The following STK31 variants were observed in gnomAD, a reference collection of about 807,000 sequenced individuals.
The protein encoded by STK31 is serine/threonine kinase 31, also known as serine/threonine-protein kinase 31.
STK31 carries 89 observed loss-of-function variants against 129.7 expected under a neutral mutation model. The observed-to-expected ratio is 0.69, with a 90% CI of 0.58 to 0.82. The LOEUF (loss-of-function observed/expected upper bound fraction) is 0.82. Among genes scored for constraint, STK31 ranks in the 40% least tolerant of loss-of-function variants. STK31 has a pLI of 0.00. For missense variants in STK31, 1,187 were observed against 1,176.4 expected (o/e 1.01, Z -0.13); for synonymous variants, 448 against 395.3 (o/e 1.13, Z -1.58).
At chr7:23,819,196 G>A (rs971837213) in intron 23 of STK31, among the ~76,000 whole-genome samples, 2 of 152,016 alleles carry the variant, frequency 1.3e-5, no homozygotes, top group Admixed American at 1.3e-4. Flanking sequence ...ATATTTAATT[G>A]TTTGCACCTA....
intron 8 of STK31, among the ~76,000 whole-genome samples, chr7:23,747,367 T>TTTTTTA (rs70956918): frequency 0.74 from 111,059 of 150,528 alleles, 41,476 homozygotes; most frequent in South Asian, 0.9. Flanking sequence ...TTCAGATTAT[T>TTTTTTA]TTTTTATTTT....
At chr7:23,782,681 G>A (rs112504948) in intron 16 of STK31, among the ~76,000 whole-genome samples, 4 of 152,092 alleles carry the variant, frequency 2.6e-5, no homozygotes, top group African/African-American at 7.2e-5. Context: ...CTTTTCTTTC[G>A]TGAGGGTACT....
chr7:23,819,115 A>C (rs1294444025), intron 23 of STK31, among the ~76,000 whole-genome samples: 1 of 152,208 alleles, frequency 6.6e-6, no homozygotes, highest in East Asian at 1.9e-4. Context: ...GACCATAATA[A>C]GACTTTTGTT....
chr7:23,784,715 A>G (rs1791156247), intron 17 of STK31, among the ~76,000 whole-genome samples: 1 of 152,112 alleles, frequency 6.6e-6, no homozygotes, highest in African/African-American at 2.4e-5. Flanking sequence ...ACAATTCTAC[A>G]ATGCCTCTTA....
chr7:23,762,924 G>T lies in STK31; in HGVS notation c.1416+1G>T, dbSNP rs774724027. 2 of 1,555,684 alleles carry T rather than the reference G, an allele frequency of 1.3e-6. No homozygotes were observed. The highest frequency in any genetic ancestry group is 2.5e-5 in the South Asian group (2 of 78,466). ...TAATAAACGCTTAAAAACATTGCAG[G>T]TTGGAATTAAAAATATATTAAATAT... On this transcript the variant is annotated splice_donor_variant, in intron 11 of 23. Coordinates refer to ENST00000355870, the MANE Select transcript of STK31 (RefSeq NM_031414.5). LOFTEE classifies it high-confidence loss of function.
At chr7:23,829,401 C>G (rs1794407885) in intron 23 of STK31, among the ~76,000 whole-genome samples, 1 of 152,106 alleles carries the variant, frequency 6.6e-6, no homozygotes, top group South Asian at 2.1e-4. Flanking sequence ...GGTTTTTGCT[C>G]TTTGTTCAGT....
At chr7:23,745,582 T>G (rs527567592) in intron 8 of STK31, among the ~76,000 whole-genome samples, 1 of 152,332 alleles carries the variant, frequency 6.6e-6, no homozygotes, top group South Asian at 2.1e-4. Context: ...GCTTTGCTGC[T>G]TAGGGCAGCG....
chr7:23,782,109 G>T (rs906123138), intron 16 of STK31, among the ~76,000 whole-genome samples: 68 of 152,214 alleles, frequency 4.5e-4, no homozygotes, highest in African/African-American at 1.6e-3. Flanking sequence ...TCTTTAAAAT[G>T]GAAGAATATT....
chr7:23,710,132 A>C (rs1785830537), upstream of STK31: 2 of 1,357,658 alleles, frequency 1.5e-6, no homozygotes, highest in East Asian at 4.8e-5. Flanking sequence ...GCTTCTTCCT[A>C]GGCGGCAGGC....
intron 6 of STK31, among the ~76,000 whole-genome samples, chr7:23,733,282 G>T (rs943807527): frequency 1.3e-5 from 2 of 152,034 alleles, no homozygotes; most frequent in South Asian, 2.1e-4. Flanking sequence ...CTAGGCACAG[G>T]GTGTGTGCCT....
intron 20 of STK31, among the ~76,000 whole-genome samples, 197 bp from the exon 21 acceptor site, chr7:23,787,763 CACACACACACACACACACAA>C (rs1050275060): frequency 4.6e-5 from 7 of 151,054 alleles, no homozygotes; most frequent in African/African-American, 1.7e-4. Flanking sequence ...CACACACACA[CACACACACACACACACACAA>C]ACACACACAG....
chr7:23,799,191 G>A (rs1792209850), intron 22 of STK31, among the ~76,000 whole-genome samples: 1 of 152,136 alleles, frequency 6.6e-6, no homozygotes, highest in African/African-American at 2.4e-5. Context: ...TAGATTCAGT[G>A]CTATCCCCAT....
rs139538021 is a variant in STK31 at position 23,752,949 on chromosome 7, T to A, written c.1133+117T>A. On this transcript the variant is annotated intron_variant, in intron 9 of 23. Transcript: ENST00000355870. ...TTAAAATTTAACCTTTGTATTTTTATGACTTCAAAGAGAGAAAGATAGTTA... is the reference window on the plus strand; with the variant it reads ...TTAAAATTTAACCTTTGTATTTTTAAGACTTCAAAGAGAGAAAGATAGTTA... 21 of 674,542 alleles carry A rather than the reference T, an allele frequency of 3.1e-5. No homozygotes were observed. In the African/African-American group the frequency reaches 3.3e-4, roughly 11 times the overall value. The allele number at this position is 674,542 out of a possible 1,614,324, so 41.8% of individuals were successfully genotyped here. A position where few individuals can be genotyped will look rare whatever the true frequency, so the allele number is the denominator to read the frequency against.
chr7:23,730,189 T>C (rs924796217), intron 6 of STK31, among the ~76,000 whole-genome samples: 6 of 152,204 alleles, frequency 3.9e-5, no homozygotes, highest in African/African-American at 1.4e-4. Context: ...GTGAGAGATA[T>C]TACATTGGAA....
At position 23,807,536 on chromosome 7, in the gene STK31, A is replaced by T. The variant is rs191906430; in HGVS notation, c.2761-7608A>T. Among the ~76,000 whole-genome samples, 692 of 152,098 alleles carry T rather than the reference A, an allele frequency of 4.5e-3. 3 individuals carry two copies. The highest frequency in any genetic ancestry group is 0.015 in the African/African-American group (611 of 41,486). On this transcript the variant is annotated intron_variant, in intron 22 of 23. Coordinates refer to ENST00000355870, the MANE Select transcript of STK31 (RefSeq NM_031414.5). ...TAGTGGCATGTGTTTCTTTAAGTTTATTCTGTTTGAGGTTTTCTCAGCTTC... is the reference window on the plus strand; with the variant it reads ...TAGTGGCATGTGTTTCTTTAAGTTTTTTCTGTTTGAGGTTTTCTCAGCTTC...
intron 8 of STK31, 42 bp from the exon 9 acceptor site, chr7:23,752,675 C>T (rs773318221): frequency 7.2e-7 from 1 of 1,389,948 alleles, no homozygotes; most frequent in South Asian, 1.2e-5. Context: ...AATACAGTTT[C>T]CTATTTGGGT....
At chr7:23,805,763 G>A (rs1792667997) in intron 22 of STK31, among the ~76,000 whole-genome samples, 1 of 152,144 alleles carries the variant, frequency 6.6e-6, no homozygotes. Context: ...GGGACTACAG[G>A]CATGAGCCAC....
intron 6 of STK31, among the ~76,000 whole-genome samples, chr7:23,730,876 A>ATT (rs1490417846): frequency 3.7e-4 from 22 of 59,958 alleles, no homozygotes; most frequent in South Asian, 2.7e-3. Context: ...ATATATATAT[A>ATT]TATTTTTTTT....
intron 22 of STK31, among the ~76,000 whole-genome samples, chr7:23,801,563 GTTTTC>G (rs1792369019): frequency 6.6e-6 from 1 of 151,912 alleles, no homozygotes; most frequent in Admixed American, 6.6e-5. Flanking sequence ...ATTTATTATT[GTTTTC>G]TTTTTATGTA....
Sources: allele counts gnomAD v4.1 joint callset (sites outside exome capture counted in the v4.1 genomes callset), GRCh38; gene constraint gnomAD v4.1.1; transcripts MANE v1.5; gene names NCBI Gene and HGNC (gene_info 2026-07-23, HGNC 2026-07-21).